The following RAB40B variants were observed in gnomAD, a reference collection of about 807,000 sequenced individuals.
RAB40B encodes the protein ras-related protein Rab-40B.
RAB40B carries 21 observed loss-of-function variants against 24.0 expected under a neutral mutation model. The observed-to-expected ratio is 0.88, with a 90% CI of 0.62 to 1.26. RAB40B has a LOEUF of 1.26. RAB40B is among the 50% of genes most tolerant of loss of function. RAB40B has a pLI of 0.00. For missense variants in RAB40B, 348 were observed against 390.5 expected (o/e 0.89, Z 0.92); for synonymous variants, 167 against 169.8 (o/e 0.98, Z 0.13).
At chr17:82,669,551 G>C (rs2046306107) in intron 1 of RAB40B, among the ~76,000 whole-genome samples, 1 of 152,154 alleles carries the variant, frequency 6.6e-6, no homozygotes, top group Non-Finnish European at 1.5e-5. Context: ...TTCTCAGGAG[G>C]CTGAGGTGGA....
At chr17:82,660,044 A>G (rs1410202240) in intron 3 of RAB40B, among the ~76,000 whole-genome samples, 1 of 152,254 alleles carries the variant, frequency 6.6e-6, no homozygotes, top group Non-Finnish European at 1.5e-5. Context: ...ATGCACGCAC[A>G]CACAGTGCAC....
intron 1 of RAB40B, among the ~76,000 whole-genome samples, chr17:82,695,955 C>T (rs1179477998): frequency 2.6e-5 from 4 of 152,108 alleles, no homozygotes; most frequent in East Asian, 1.9e-4. Flanking sequence ...CTGCAACCTC[C>T]GCCTCCCGGG....
rs542635208 is a variant in RAB40B at position 82,669,246 on chromosome 17, G to A, written c.143-4690C>T. Reference sequence around the variant, plus strand: ...ATCCCAGCACTTTGGGAGGCCGAGCGGGGTGGATCACCTGAGGTCAGGAGT... The same window carrying A: ...ATCCCAGCACTTTGGGAGGCCGAGCAGGGTGGATCACCTGAGGTCAGGAGT... On this transcript the variant is annotated intron_variant, in intron 1 of 5. Coordinates refer to ENST00000571995, the MANE Select transcript of RAB40B (RefSeq NM_006822.3). Among the ~76,000 whole-genome samples the A allele has an allele frequency of 4.1e-4, 62 of 152,166 alleles. 1 individual carries two copies. In the South Asian group the frequency reaches 4.8e-3, roughly 12 times the overall value.
At chr17:82,677,822 C>T (rs1407339893) in intron 1 of RAB40B, among the ~76,000 whole-genome samples, 1 of 152,232 alleles carries the variant, frequency 6.6e-6, no homozygotes, top group Non-Finnish European at 1.5e-5. Flanking sequence ...CGGTGCTGCA[C>T]CTGCCCGACC....
At position 82,680,662 on chromosome 17, in the gene RAB40B, TA is replaced by T. The variant is rs2046440024; in HGVS notation, c.143-16107del. On this transcript the variant is annotated intron_variant, in intron 1 of 5. Transcript: ENST00000571995. Reference sequence around the variant, plus strand: ...TATATATGATTTTCTTTCTACCTAGTAGTAATACCTATAATGATATATGTAA... The same window carrying T: ...TATATATGATTTTCTTTCTACCTAGTGTAATACCTATAATGATATATGTAA... Among the ~76,000 whole-genome samples, 2 of 152,198 alleles carry T rather than the reference TA, an allele frequency of 1.3e-5. 1 individual carries two copies. The highest frequency in any genetic ancestry group is 1.3e-4 in the Admixed American group (2 of 15,284).
chr17:82,679,936 G>C (rs1390517662), intron 1 of RAB40B, among the ~76,000 whole-genome samples: 1 of 152,238 alleles, frequency 6.6e-6, no homozygotes, highest in Non-Finnish European at 1.5e-5. Context: ...TCGTCTTGGG[G>C]AAGGGGGATC....
At chr17:82,690,142 A>C (rs1568045654) in intron 1 of RAB40B, among the ~76,000 whole-genome samples, 1 of 152,256 alleles carries the variant, frequency 6.6e-6, no homozygotes, top group South Asian at 2.1e-4. Flanking sequence ...AGCTGTATTA[A>C]TCAGCAAATC....
intron 1 of RAB40B, among the ~76,000 whole-genome samples, chr17:82,693,353 A>C (rs1011307490): frequency 5.5e-4 from 83 of 152,266 alleles, no homozygotes; most frequent in Non-Finnish European, 2.1e-4. Context: ...ACGTATGAAA[A>C]GGTGCTCAGT....
chr17:82,660,789 G>A (rs893995794), intron 3 of RAB40B, among the ~76,000 whole-genome samples, 198 bp downstream of exon 3: 19 of 152,204 alleles, frequency 1.2e-4, no homozygotes, highest in Admixed American at 1.3e-4. Context: ...GTAAATGCAC[G>A]CTTACATCCG....
In RAB40B at chr17:82,698,619, C is replaced by A. The variant is rs756532060; in HGVS notation, c.-23G>T. The A allele has an allele frequency of 1.4e-6, 2 of 1,413,736 alleles. No homozygotes were observed. The highest frequency in any genetic ancestry group is 1.9e-6 in the Non-Finnish European group (2 of 1,066,644). The allele number at this position is 1,413,736 out of a possible 1,614,324, so 87.6% of individuals were successfully genotyped here. ...CATCGTGACGGCCCGGCGCCCCCAC[C>A]CATGCCCGGCCTGCGGGGCTGAGCG... On this transcript the variant is annotated 5_prime_UTR_variant, in exon 1 of 6. Transcript: ENST00000571995.
intron 1 of RAB40B, among the ~76,000 whole-genome samples, chr17:82,665,495 C>T (rs1470837299): frequency 6.6e-6 from 1 of 152,174 alleles, no homozygotes; most frequent in Non-Finnish European, 1.5e-5. Context: ...TTCACACAAT[C>T]TGCCCGGCTC....
chr17:82,677,506 T>TC (rs945031001), intron 1 of RAB40B, among the ~76,000 whole-genome samples: 2 of 152,046 alleles, frequency 1.3e-5, no homozygotes, highest in African/African-American at 4.8e-5. Context: ...CCCTGATGTG[T>TC]CCCCCTTGCC....
chr17:82,680,315 C>T (rs955825003), intron 1 of RAB40B, among the ~76,000 whole-genome samples: 1 of 152,178 alleles, frequency 6.6e-6, no homozygotes, highest in Non-Finnish European at 1.5e-5. Context: ...CAGGCAGGAG[C>T]CCCACCCACC....
At chr17:82,687,549 G>C (rs961968322) in intron 1 of RAB40B, among the ~76,000 whole-genome samples, 2 of 152,160 alleles carry the variant, frequency 1.3e-5, no homozygotes, top group African/African-American at 4.8e-5. Context: ...CCCACATAAA[G>C]TAAAAACAGC....
Position 82,657,893 on chromosome 17 carries a change from GT to G in RAB40B, c.806del (p.Asn269ThrfsTer83). On this transcript the variant is annotated frameshift_variant, in exon 6 of 6. Transcript: ENST00000571995. LOFTEE classifies it high-confidence loss of function. ...AAATTTTGCAGCTGTTTCTGGTGCA[GT>G]TTTTGGGGGGGCTCTGGGGGGGGCG... is the stretch of plus-strand genomic sequence containing the variant. The part of the protein sequence containing the change: ...LVRPPQSPPK[N>X]CTRNSCKIS The G allele has an allele frequency of 6.4e-7, 1 of 1,561,728 alleles. No individual in the cohort carries two copies. Among genetic ancestry groups the G allele is most frequent in the African/African-American group, 1.5e-5 (1 of 68,714 alleles).
intron 1 of RAB40B, among the ~76,000 whole-genome samples, chr17:82,693,348 T>C (rs892793597): frequency 1.3e-5 from 2 of 152,032 alleles, no homozygotes; most frequent in Non-Finnish European, 2.9e-5. Flanking sequence ...CATAGACGTA[T>C]GAAAAGGTGC....
rs560890076 is a variant in RAB40B, at chr17:82,697,406, A to C, written c.142+1049T>G. 4.1e-4 allele frequency among the ~76,000 whole-genome samples: 63 copies of C among 151,952 alleles called. No individual in the cohort carries two copies. Among genetic ancestry groups the C allele is most frequent in the African/African-American group, 1.5e-3 (62 of 41,462 alleles). On this transcript the variant is annotated intron_variant, in intron 1 of 5. Coordinates refer to ENST00000571995, the MANE Select transcript of RAB40B (RefSeq NM_006822.3). The surrounding 1 kb of genome is among the most constrained non-coding windows in gnomAD (Gnocchi z 4.9). ...GGACCCTGGACCTGGGGCTTCCCAG[A>C]CCCTTCCCAGGCCCCAGAGCTGACA... is the stretch of plus-strand genomic sequence containing the variant.
intron 3 of RAB40B, 44 bp downstream of exon 3, chr17:82,660,943 T>A (rs371788068): frequency 1.9e-6 from 3 of 1,587,586 alleles, no homozygotes; most frequent in Non-Finnish European, 8.6e-7. Context: ...AATGTTATTA[T>A]TCAAAGTTGG....
In RAB40B at chr17:82,698,467, C is replaced by G; in HGVS notation, c.130G>C (p.Gly44Arg). The G allele has an allele frequency of 6.8e-7, 1 of 1,473,544 alleles. No individual in the cohort carries two copies. The highest frequency in any genetic ancestry group is 9.1e-7 in the Non-Finnish European group (1 of 1,101,532). The allele number at this position is 1,473,544 out of a possible 1,614,324, so 91.3% of individuals were successfully genotyped here. A position where few individuals can be genotyped will look rare whatever the true frequency, so the allele number is the denominator to read the frequency against. The change falls in exon 1 of 6, where the codon GGC becomes CGC. Residue 44 changes from glycine to arginine, a missense_variant. Gly to Arg is a moderately radical substitution (Grantham distance 125). Around this residue, in one of 3 missense-constraint regions of RAB40B, gnomAD observed 101 missense variants for 85.5 expected, o/e 1.18. Transcript: ENST00000571995. ...LQDGAAESPY[G>R]HPAGIDYKTT... is the part of the protein sequence containing the mutation. ...CGCCCGCGCTCACCCGCCGGGTGGC[C>G]GTACGGGGACTCGGCCGCGCCATCC...
Sources: allele counts gnomAD v4.1 joint callset (sites outside exome capture counted in the v4.1 genomes callset), GRCh38; gene constraint gnomAD v4.1.1; regional missense constraint gnomAD v4.1.1; non-coding constraint Gnocchi (gnomAD v3.1); transcripts MANE v1.5; gene names NCBI Gene and HGNC (gene_info 2026-07-23, HGNC 2026-07-21).